The following JADE1 variants were observed in gnomAD, a reference collection of about 807,000 sequenced individuals.
JADE1 encodes the protein protein Jade-1.
Under a neutral mutation model 81.8 loss-of-function variants are expected in JADE1, and 14 were observed. That is an observed-to-expected ratio of 0.17 (90% CI 0.11 to 0.27). JADE1 has a LOEUF of 0.27. JADE1 is among the 10% of genes least tolerant of loss of function. The pLI is 1.00. For synonymous variants in JADE1, 353 were observed against 391.9 expected, an observed-to-expected ratio of 0.90 and a Z score of 1.17; for missense variants, 690 against 1,047.9, an observed-to-expected ratio of 0.66 and a Z score of 4.71.
chr4:128,837,885 C>A (rs933769246), intron 2 of JADE1, among the ~76,000 whole-genome samples: 1 of 152,190 alleles, frequency 6.6e-6, no homozygotes, highest in African/African-American at 2.4e-5. Context: ...TTTTGTGGTG[C>A]AGCAAACACG....
chr4:128,841,508 G>A (rs1196954043), intron 2 of JADE1, among the ~76,000 whole-genome samples: 2 of 152,186 alleles, frequency 1.3e-5, no homozygotes, highest in African/African-American at 2.4e-5. Context: ...GATTTCTGAC[G>A]TCAAGTAGAA....
In JADE1 at chr4:128,872,948, T is replaced by C. The variant is rs185868699; in HGVS notation, c.*686T>C. On this transcript the variant is annotated 3_prime_UTR_variant, in exon 11 of 11. Transcript: ENST00000226319. ...CTGCTGCTTGAAGCCTGTGAGTGGGTTGTGGATATGGGACTGGTGGAGAGT... is the reference window on the plus strand; with the variant it reads ...CTGCTGCTTGAAGCCTGTGAGTGGGCTGTGGATATGGGACTGGTGGAGAGT... 2.1e-3 allele frequency: 964 copies of C among 455,652 alleles called. 14 individuals are homozygous for C. Among genetic ancestry groups the C allele is most frequent in the African/African-American group, 0.018 (879 of 50,114 alleles). The allele number at this position is 455,652 out of a possible 1,614,324, so 28.2% of individuals were successfully genotyped here.
intron 1 of JADE1, among the ~76,000 whole-genome samples, chr4:128,824,725 A>G (rs1727892683): frequency 6.6e-6 from 1 of 152,242 alleles, no homozygotes; most frequent in African/African-American, 2.4e-5. Context: ...ATTGGGTGAT[A>G]TATAAAAGTA....
chr4:128,869,803 G>A (rs1484341487), intron 10 of JADE1, among the ~76,000 whole-genome samples: 1 of 152,204 alleles, frequency 6.6e-6, no homozygotes, highest in African/African-American at 2.4e-5. Flanking sequence ...TTATCTTCCT[G>A]TAGGATTCTG....
chr4:128,810,002 G>GGCT (rs1726198933), intron 1 of JADE1, 125 bp downstream of exon 1: 1 of 161,642 alleles, frequency 6.2e-6, no homozygotes, highest in African/African-American at 2.4e-5. Context: ...CGGCGGCGGC[G>GGCT]GCTGCAGGAC....
intron 7 of JADE1, among the ~76,000 whole-genome samples, chr4:128,856,743 T>C (rs1366382870): frequency 3.9e-5 from 6 of 152,182 alleles, no homozygotes; most frequent in African/African-American, 1.4e-4. Context: ...GAATATTATT[T>C]GAGGATGATT....
chr4:128,820,443 C>T (rs999874939), intron 1 of JADE1, among the ~76,000 whole-genome samples: 1 of 152,112 alleles, frequency 6.6e-6, no homozygotes, highest in African/African-American at 2.4e-5. Flanking sequence ...TAGACACAAT[C>T]TGTGTTGTGA....
chr4:128,812,784 G>A (rs1239562282), intron 1 of JADE1, among the ~76,000 whole-genome samples: 1 of 152,254 alleles, frequency 6.6e-6, no homozygotes, highest in Non-Finnish European at 1.5e-5. Context: ...CTGGCGCCCT[G>A]CCTTACTTCG....
chr4:128,822,111 T>C (rs1347099652), intron 1 of JADE1, among the ~76,000 whole-genome samples: 2 of 152,204 alleles, frequency 1.3e-5, no homozygotes, highest in Admixed American at 6.5e-5. Flanking sequence ...ACATAGTTTA[T>C]TGATGGTTGC....
rs1266960581 is a variant in JADE1 at position 128,874,221 on chromosome 4, C to T, written c.*1959C>T. On this transcript the variant is annotated 3_prime_UTR_variant, in exon 11 of 11. Transcript: ENST00000226319. ...TTGCTGGATACAGGAGAAGGTTGGA[C>T]TTTATCTACAGTTATCTTTTGATTA... 1 of 152,480 alleles carries T rather than the reference C, an allele frequency of 6.6e-6. No individual in the cohort carries two copies. The highest frequency in any genetic ancestry group is 2.4e-5 in the African/African-American group (1 of 41,382). 9.4% of individuals were successfully genotyped at this position (152,480 alleles called of 1,614,324 possible).
chr4:128,864,082 T>A, intron 9 of JADE1: 2 of 984,894 alleles, frequency 2.0e-6, no homozygotes, highest in Non-Finnish European at 2.4e-6. Context: ...TGTGTGTGTA[T>A]GTGTGTGGCA....
chr4:128,854,678 ACT>A (rs1730646467), intron 6 of JADE1, among the ~76,000 whole-genome samples: 1 of 151,978 alleles, frequency 6.6e-6, no homozygotes, highest in South Asian at 2.1e-4. Context: ...TGCTACTGTG[ACT>A]CTCGACTTCC....
At chr4:128,840,674 G>A (rs1215778182) in intron 2 of JADE1, among the ~76,000 whole-genome samples, 1 of 152,188 alleles carries the variant, frequency 6.6e-6, no homozygotes, top group Non-Finnish European at 1.5e-5. Context: ...CTTGGCGTCT[G>A]TCTTCCTTTT....
At chr4:128,815,119 G>A (rs1369309362) in intron 1 of JADE1, among the ~76,000 whole-genome samples, 1 of 147,894 alleles carries the variant, frequency 6.8e-6, no homozygotes, top group East Asian at 2.0e-4. Flanking sequence ...GTGCGATCTC[G>A]GCTCCCTGTA....
At chr4:128,849,609 G>A (rs969780898) in intron 5 of JADE1, among the ~76,000 whole-genome samples, 1 of 152,204 alleles carries the variant, frequency 6.6e-6, no homozygotes, top group Non-Finnish European at 1.5e-5. Context: ...AGCACATCAT[G>A]TGTGTTTTAA....
At chr4:128,831,654 T>C in intron 1 of JADE1, 79 bp from the exon 2 acceptor site, 1 of 1,249,412 alleles carries the variant, frequency 8.0e-7, no homozygotes, top group East Asian at 2.4e-5. Context: ...TTGCTGTAAA[T>C]CCTGGGCTGC....
Position 128,843,144 on chromosome 4 carries a change from G to T in JADE1, c.138+106G>T, listed in dbSNP as rs1000488907. 9.3e-6 allele frequency: 8 copies of T among 859,702 alleles called. No homozygotes were observed. In the African/African-American group the frequency reaches 1.2e-4, roughly 13 times the overall value. 53.3% of individuals were successfully genotyped at this position (859,702 alleles called of 1,614,324 possible). ...TCCTGGGCAAATTATTCAAATCCTT[G>T]TGCTCCAGTTTCCAAATCTGTAAGA... On this transcript the variant is annotated intron_variant, in intron 3 of 10. Coordinates refer to ENST00000226319, the MANE Select transcript of JADE1 (RefSeq NM_199320.4).
rs1478345087 is a variant in JADE1 at position 128,866,264 on chromosome 4, C to T, written c.1504-1592C>T. ...ATGAGACAGGGAGAGTGTTTTTATT[C>T]TCAATTCTTTAAATTTAAAATAAGA... On this transcript the variant is annotated intron_variant, in intron 9 of 10. Transcript: ENST00000226319. Among the ~76,000 whole-genome samples, 3 of 152,100 alleles carry T rather than the reference C, an allele frequency of 2.0e-5. No individual in the cohort carries two copies. In the East Asian group the frequency reaches 5.8e-4, roughly 29 times the overall value.
intron 8 of JADE1, among the ~76,000 whole-genome samples, chr4:128,859,195 AGTGTGTGTGTATGG>A (rs1731064633): frequency 6.7e-6 from 1 of 149,782 alleles, no homozygotes; most frequent in African/African-American, 2.5e-5. Context: ...TGCATGTGTG[AGTGTGTGTGTATGG>A]GTGTGTGTGT....
Sources: allele counts gnomAD v4.1 joint callset (sites outside exome capture counted in the v4.1 genomes callset), GRCh38; gene constraint gnomAD v4.1.1; transcripts MANE v1.5; gene names NCBI Gene and HGNC (gene_info 2026-07-23, HGNC 2026-07-21).